CDH12: variants seen among roughly 807,000 people sequenced by gnomAD.
CDH12 encodes the protein cadherin 12, also known as cadherin-12.
A neutral mutation model predicts 74.1 loss-of-function variants in CDH12; 41 were observed. That is an observed-to-expected ratio of 0.55 (90% CI 0.43 to 0.72). CDH12 has a LOEUF of 0.72. Ranked by LOEUF, CDH12 falls within the 30% of genes least tolerant of loss-of-function variation. The pLI, the probability that CDH12 is intolerant of heterozygous loss-of-function variation, is 0.00. For synonymous variants in CDH12, 399 were observed against 355.0 expected (o/e 1.12, Z -1.39); for missense variants, 945 against 977.2 (o/e 0.97, Z 0.44).
chr5:21,958,137 G>A (rs960868719), intron 6 of CDH12, among the ~76,000 whole-genome samples: 5 of 152,050 alleles, frequency 3.3e-5, no homozygotes, highest in African/African-American at 1.2e-4. Flanking sequence ...CCTTCCTGCC[G>A]CTTTGTGAAA....
chr5:22,846,627 T>C (rs1737316773), intron 1 of CDH12, among the ~76,000 whole-genome samples: 1 of 152,214 alleles, frequency 6.6e-6, no homozygotes, highest in Admixed American at 6.5e-5. Context: ...TTTTGATGGA[T>C]ACTGTCAAAT....
chr5:21,935,038 G>C (rs955907912), intron 6 of CDH12, among the ~76,000 whole-genome samples: 1 of 152,000 alleles, frequency 6.6e-6, no homozygotes, highest in Non-Finnish European at 1.5e-5. Context: ...CGCCCACCTC[G>C]GCCTCCCAAA....
rs376126234 is a variant in CDH12 at position 21,755,730 on chromosome 5, T to C, written c.1746A>G (p.Thr582=). Residue 582 remains threonine (T), a synonymous_variant, in exon 14 of 15, where the codon ACA becomes ACG. Coordinates refer to ENST00000382254, the MANE Select transcript of CDH12 (RefSeq NM_004061.5). ...EDSSYPVQSS[T]NTMTIRVCRC... ...TACAGACTCGAATAGTCATTGTGTT[T>C]GTGCTGCTCTGGACAGGGTAGCTGC... 246 of 1,614,052 alleles carry C rather than the reference T, an allele frequency of 1.5e-4. No homozygotes were observed. The highest frequency in any genetic ancestry group is 1.5e-4 in the Non-Finnish European group (182 of 1,180,040).
At chr5:22,305,392 G>A (rs530198086) in intron 3 of CDH12, among the ~76,000 whole-genome samples, 16 of 152,280 alleles carry the variant, frequency 1.1e-4, no homozygotes, top group African/African-American at 3.6e-4. Flanking sequence ...TGCTAAGATA[G>A]TGTCTGTGTA....
chr5:22,104,359 T>G (rs2150253040), intron 4 of CDH12, among the ~76,000 whole-genome samples: 1 of 152,300 alleles, frequency 6.6e-6, no homozygotes, highest in South Asian at 2.1e-4. Flanking sequence ...TGTCCACTTT[T>G]GTGTGTTAAA....
intron 10 of CDH12, among the ~76,000 whole-genome samples, chr5:21,801,025 C>T (rs1747082933): frequency 6.6e-6 from 1 of 152,150 alleles, no homozygotes; most frequent in Non-Finnish European, 1.5e-5. Context: ...TGAAAACGAA[C>T]TAATACATCC....
At chr5:22,368,552 C>T (rs566650016) in intron 3 of CDH12, among the ~76,000 whole-genome samples, 6 of 150,992 alleles carry the variant, frequency 4.0e-5, no homozygotes, top group African/African-American at 9.7e-5. Context: ...GATGCTCCTG[C>T]CTCAGTGTAG....
At chr5:22,678,047 G>GGT (rs1463689154) in intron 1 of CDH12, among the ~76,000 whole-genome samples, 8 of 109,898 alleles carry the variant, frequency 7.3e-5, no homozygotes, top group Admixed American at 3.6e-4. Context: ...ATCCTCATGG[G>GGT]GGGGGGGGTT....
intron 1 of CDH12, among the ~76,000 whole-genome samples, chr5:22,560,590 A>G (rs1739002496): frequency 6.6e-6 from 1 of 152,172 alleles, no homozygotes; most frequent in African/African-American, 2.4e-5. Flanking sequence ...AAGATATTTA[A>G]ATTTTTAAAT....
chr5:22,791,871 G>A (rs989262563), intron 1 of CDH12, among the ~76,000 whole-genome samples: 4 of 152,016 alleles, frequency 2.6e-5, no homozygotes, highest in African/African-American at 9.7e-5. Flanking sequence ...CTCCCACAAG[G>A]CCCCTCCCTT....
At chr5:22,481,228 G>A (rs538767810) in intron 2 of CDH12, among the ~76,000 whole-genome samples, 9 of 152,312 alleles carry the variant, frequency 5.9e-5, no homozygotes, top group Non-Finnish European at 1.3e-4. Flanking sequence ...GAAGAAATGG[G>A]AACTCTTGTA....
chr5:22,450,520 C>A (rs1745001256), intron 2 of CDH12, among the ~76,000 whole-genome samples: 1 of 151,794 alleles, frequency 6.6e-6, no homozygotes, highest in Non-Finnish European at 1.5e-5. Flanking sequence ...TTTCCAACCC[C>A]AAATTTAATA....
At chr5:21,932,719 C>A (rs1450508900) in intron 6 of CDH12, among the ~76,000 whole-genome samples, 1 of 151,608 alleles carries the variant, frequency 6.6e-6, no homozygotes, top group African/African-American at 2.4e-5. Context: ...GCCAACATGA[C>A]AAAACCCCAT....
chr5:22,078,326 T>A (rs1189508678), intron 5 of CDH12, 120 bp downstream of exon 5: 19 of 815,804 alleles, frequency 2.3e-5, no homozygotes, highest in East Asian at 2.1e-4. Flanking sequence ...GTCTCTTGGA[T>A]TTCAATTCCA....
At chr5:22,153,628 G>A (rs1747764403) in intron 4 of CDH12, among the ~76,000 whole-genome samples, 1 of 150,688 alleles carries the variant, frequency 6.6e-6, no homozygotes, top group African/African-American at 2.4e-5. Context: ...GAGTTACAGT[G>A]GTATTATCTC....
At chr5:22,435,251 A>G (rs1435731821) in intron 2 of CDH12, among the ~76,000 whole-genome samples, 1 of 152,056 alleles carries the variant, frequency 6.6e-6, no homozygotes, top group Non-Finnish European at 1.5e-5. Flanking sequence ...TTTCTCCTGT[A>G]CTGGATGCTT....
At chr5:22,434,493 T>G (rs1394426874) in intron 2 of CDH12, among the ~76,000 whole-genome samples, 2 of 152,118 alleles carry the variant, frequency 1.3e-5, no homozygotes, top group Non-Finnish European at 2.9e-5. Context: ...TTAAATATAT[T>G]ATATCCAAAA....
intron 7 of CDH12, among the ~76,000 whole-genome samples, chr5:21,850,756 A>G (rs1177599633): frequency 2.0e-5 from 3 of 151,604 alleles, no homozygotes; most frequent in East Asian, 1.9e-4. Flanking sequence ...TTAGAACAGG[A>G]TCACACAGCA....
intron 6 of CDH12, among the ~76,000 whole-genome samples, chr5:21,959,924 CA>C (rs1201352707): frequency 0.094 from 4,668 of 49,716 alleles, 60 homozygotes; most frequent in African/African-American, 0.16. Flanking sequence ...GGCTCCATCT[CA>C]AAAAAAAAAA....
Sources: gnomAD v4.1 joint callset for allele counts (sites outside exome capture counted in the v4.1 genomes callset) on GRCh38, gnomAD v4.1.1 for gene constraint, MANE v1.5 for transcripts, NCBI Gene and HGNC (gene_info 2026-07-23, HGNC 2026-07-21) for gene names.